ALDH1L1: variants seen among roughly 807,000 people sequenced by gnomAD.
ALDH1L1 encodes the protein aldehyde dehydrogenase 1 family member L1.
A neutral mutation model predicts 101.1 loss-of-function variants in ALDH1L1; 68 were observed. That is an observed-to-expected ratio of 0.67 (90% confidence interval 0.55 to 0.82). ALDH1L1 has a LOEUF of 0.82. Among genes scored for constraint, ALDH1L1 ranks in the 40% least tolerant of loss-of-function variants. The pLI, the probability that ALDH1L1 is intolerant of heterozygous loss-of-function variation, is 0.00. For synonymous variants in ALDH1L1, 486 were observed against 470.8 expected (o/e 1.03, Z -0.42); for missense variants, 1,087 against 1,172.7 (o/e 0.93, Z 1.07).
intron 2 of ALDH1L1, 93 bp from the exon 3 acceptor site, chr3:126,158,732 C>T (rs1035733889): frequency 5.0e-6 from 6 of 1,196,890 alleles, no homozygotes; most frequent in Non-Finnish European, 7.2e-6. Flanking sequence ...CATAGGACTT[C>T]TCTCCATTCC....
At chr3:126,187,585 C>T (rs1031338673) in intron 1 of ALDH1L1, among the ~76,000 whole-genome samples, 12 of 152,112 alleles carry the variant, frequency 7.9e-5, no homozygotes, top group Non-Finnish European at 1.6e-4. Flanking sequence ...GGCGAAACTG[C>T]GCGTTTGAGA....
At position 126,155,445 on chromosome 3, in the gene ALDH1L1, T is replaced by C; in HGVS notation, c.587A>G (p.Glu196Gly). Residue 196 changes from glutamate to glycine, a missense_variant, in exon 5 of 23, where the codon GAA becomes GGA. By Grantham distance (98) the Glu-to-Gly change is moderately conservative. This residue lies in a region of ALDH1L1 where 645 missense variants were observed against 637.0 expected (regional missense o/e 1.01). Coordinates refer to ENST00000393434, the MANE Select transcript of ALDH1L1 (RefSeq NM_012190.4). ...GKAPRLPQPE[E>G]GATYEGIQKK... is the part of the protein sequence containing the mutation. The stretch of plus-strand genomic sequence containing the variant: ...CTGAATCCCCTCATAGGTGGCTCCT[T>C]CCTCAGGCTGAGGGAGTCTGGGGGC... 6.2e-7 allele frequency: 1 copy of C among 1,613,344 alleles called. No homozygotes were observed. The highest frequency in any genetic ancestry group is 2.2e-5 in the East Asian group (1 of 44,848).
chr3:126,187,293 C>A (rs115483773), intron 1 of ALDH1L1, among the ~76,000 whole-genome samples: 1 of 150,600 alleles, frequency 6.6e-6, no homozygotes. Context: ...AAGCAGATTC[C>A]GAGGTGGCTT....
intron 11 of ALDH1L1, among the ~76,000 whole-genome samples, chr3:126,136,442 C>A (rs1031854937): frequency 6.6e-6 from 1 of 152,150 alleles, no homozygotes; most frequent in Non-Finnish European, 1.5e-5. Context: ...GGTAGTCTCA[C>A]ACTGGGGCTA....
rs200921921 is a variant in ALDH1L1 at position 126,157,553 on chromosome 3, A to G, written c.363-45T>C. 4.2e-5 allele frequency: 67 copies of G among 1,594,966 alleles called. No individual in the cohort carries two copies. The African/African-American group carries it at 8.6e-4, about 20-fold the overall frequency. The stretch of plus-strand genomic sequence containing the variant: ...AACCTGGAGTCCACGATGAAGGGCC[A>G]CGGAGGATGTCCTGGGTACAGGCCC... On this transcript the variant is annotated intron_variant, in intron 3 of 22. Coordinates refer to ENST00000393434, the MANE Select transcript of ALDH1L1 (RefSeq NM_012190.4).
At chr3:126,169,359 C>A (rs1228806941) in intron 1 of ALDH1L1, among the ~76,000 whole-genome samples, 1 of 152,178 alleles carries the variant, frequency 6.6e-6, no homozygotes, top group Non-Finnish European at 1.5e-5. Flanking sequence ...TAAAGGACAA[C>A]ACTACAGTTG....
chr3:126,115,117 A>C (rs765307247), intron 17 of ALDH1L1: 1 of 457,284 alleles, frequency 2.2e-6, no homozygotes, highest in South Asian at 1.6e-5. Context: ...CAGTGCCTGC[A>C]CGCAGCTGGT....
Position 126,117,912 on chromosome 3 carries a change from C to G in ALDH1L1, c.1982+93G>C, listed in dbSNP as rs2080004632. ...CACGGAAGTGGCTGTGCCCTGGAGC[C>G]TGGGAAGCAGGACACAGCTCCTGGG... On this transcript the variant is annotated intron_variant, in intron 17 of 22. Transcript: ENST00000393434. 1.1e-4 allele frequency: 145 copies of G among 1,269,946 alleles called. 2 individuals are homozygous for G. In the South Asian group the frequency reaches 1.7e-3, roughly 15 times the overall value. 78.7% of individuals were successfully genotyped at this position (1,269,946 alleles called of 1,614,324 possible).
chr3:126,152,934 A>G (rs922180310), intron 7 of ALDH1L1: 6 of 235,396 alleles, frequency 2.5e-5, no homozygotes, highest in Non-Finnish European at 5.0e-5. Context: ...AAGGTGCTCC[A>G]TCAGTGTTTG....
intron 1 of ALDH1L1, among the ~76,000 whole-genome samples, chr3:126,187,403 G>T (rs1204276666): frequency 6.6e-6 from 1 of 152,118 alleles, no homozygotes; most frequent in Admixed American, 6.5e-5. Context: ...GTTCATGTTG[G>T]TACAAGATCC....
intron 1 of ALDH1L1, among the ~76,000 whole-genome samples, chr3:126,176,376 C>G (rs1238056921): frequency 6.6e-6 from 1 of 152,108 alleles, no homozygotes; most frequent in Non-Finnish European, 1.5e-5. Context: ...ATAGTCAACA[C>G]AATATTGAAG....
chr3:126,143,972 T>C (rs1284931949), intron 9 of ALDH1L1, among the ~76,000 whole-genome samples: 1 of 152,090 alleles, frequency 6.6e-6, no homozygotes, highest in African/African-American at 2.4e-5. Flanking sequence ...TTAAATATTC[T>C]GCACCTCCAA....
chr3:126,136,448 G>A (rs61426373), intron 11 of ALDH1L1, among the ~76,000 whole-genome samples: 9,072 of 152,068 alleles, frequency 0.06, 853 homozygotes, highest in African/African-American at 0.2. Flanking sequence ...CTCACACTGG[G>A]GCTACTGCTG....
intron 22 of ALDH1L1, 110 bp downstream of exon 22, chr3:126,105,616 G>T: frequency 7.9e-7 from 1 of 1,273,292 alleles, no homozygotes; most frequent in Non-Finnish European, 1.1e-6. Flanking sequence ...CAGCCATCAT[G>T]TTCAAGGCTA....
chr3:126,171,400 AC>A (rs1247194074), intron 1 of ALDH1L1, among the ~76,000 whole-genome samples: 1 of 152,124 alleles, frequency 6.6e-6, no homozygotes, highest in Non-Finnish European at 1.5e-5. Context: ...CAACAAAGAG[AC>A]ACAGAAGCAG....
At chr3:126,159,064 C>A (rs988067320) in intron 2 of ALDH1L1, among the ~76,000 whole-genome samples, 1 of 152,240 alleles carries the variant, frequency 6.6e-6, no homozygotes, top group African/African-American at 2.4e-5. Flanking sequence ...AGAAGGGCAA[C>A]AGGGCATCCC....
chr3:126,173,262 G>A (rs903291580), intron 1 of ALDH1L1, among the ~76,000 whole-genome samples: 3 of 152,170 alleles, frequency 2.0e-5, no homozygotes, highest in African/African-American at 7.2e-5. Context: ...AGTGATTGTA[G>A]CTTATGGATA....
intron 22 of ALDH1L1, chr3:126,105,097 GTGCCGGTGGACC>G: frequency 7.1e-5 from 2 of 28,320 alleles, no homozygotes; most frequent in Non-Finnish European, 1.5e-4. Context: ...CGCCTGCTAT[GTGCCGGTGGACC>G]CCGCCTGCTG....
intron 14 of ALDH1L1, chr3:126,128,802 T>C (rs1314528093): frequency 6.6e-6 from 1 of 152,298 alleles, no homozygotes; most frequent in Non-Finnish European, 1.5e-5. Flanking sequence ...TGACACAGTG[T>C]CTGTTTCCTC....
Sources: allele counts gnomAD v4.1 joint callset (sites outside exome capture counted in the v4.1 genomes callset), GRCh38; gene constraint gnomAD v4.1.1; regional missense constraint gnomAD v4.1.1; transcripts MANE v1.5; gene names NCBI Gene and HGNC (gene_info 2026-07-23, HGNC 2026-07-21).